The following SHTN1 variants were observed in gnomAD, a reference collection of about 807,000 sequenced individuals.
SHTN1 encodes shootin-1.
A neutral mutation model predicts 83.1 loss-of-function variants in SHTN1; 42 were observed. That is an observed-to-expected ratio of 0.51 (90% confidence interval 0.39 to 0.65). The LOEUF is 0.65. Ranked by LOEUF, SHTN1 falls within the 30% of genes least tolerant of loss-of-function variation. The pLI is 0.00. For synonymous variants in SHTN1, 224 were observed against 247.7 expected (o/e 0.90, Z 0.90); for missense variants, 622 against 737.8 (o/e 0.84, Z 1.82).
At chr10:116,961,278 A>C (rs1363775670) in intron 3 of SHTN1, among the ~76,000 whole-genome samples, 1 of 152,174 alleles carries the variant, frequency 6.6e-6, no homozygotes, top group Non-Finnish European at 1.5e-5. Context: ...TTCTCTCCAA[A>C]TTAAATACAA....
At chr10:117,093,656 C>G (rs1589929660) in intron 1 of SHTN1, among the ~76,000 whole-genome samples, 1 of 152,296 alleles carries the variant, frequency 6.6e-6, no homozygotes, top group East Asian at 1.9e-4. Context: ...TTCACGACAC[C>G]AGGCTCTCTT....
intron 12 of SHTN1, among the ~76,000 whole-genome samples, chr10:116,920,635 C>T (rs979116502): frequency 2.0e-5 from 3 of 152,060 alleles, no homozygotes; most frequent in Middle Eastern, 3.2e-3. Context: ...ATTCTCATCA[C>T]GTTATACCTC....
At chr10:117,009,297 C>A (rs993859994), upstream of SHTN1, among the ~76,000 whole-genome samples, 2 of 151,936 alleles carry the variant, frequency 1.3e-5, no homozygotes, top group African/African-American at 4.8e-5. Context: ...AGCAAAATTG[C>A]AGAAATAAGT....
At chr10:117,083,250 G>A (rs1192075621) in intron 1 of SHTN1, among the ~76,000 whole-genome samples, 1 of 135,614 alleles carries the variant, frequency 7.4e-6, no homozygotes, top group African/African-American at 2.6e-5. Flanking sequence ...AAATCTCTCA[G>A]CATTTGCTTG....
intron 1 of SHTN1, among the ~76,000 whole-genome samples, chr10:117,052,828 G>A (rs1219748558): frequency 1.3e-5 from 2 of 151,108 alleles, no homozygotes; most frequent in South Asian, 2.1e-4. Context: ...GACCATCCTG[G>A]CTAACATGGT....
rs1849329962 is a variant in SHTN1 at position 116,940,506 on chromosome 10, G to A, written c.818C>T (p.Thr273Ile). 1.2e-6 allele frequency: 2 copies of A among 1,614,002 alleles called. No homozygotes were observed. Among genetic ancestry groups the A allele is most frequent in the African/African-American group, 1.3e-5 (1 of 75,022 alleles). The change falls in exon 9 of 17, where the codon ACC becomes ATC. Residue 273 changes from threonine (T) to isoleucine (I), a missense_variant. Thr to Ile is a moderately conservative substitution (Grantham distance 89). This residue lies in a region of SHTN1 where 383 missense variants were observed against 455.8 expected (regional missense o/e 0.84). Transcript: ENST00000355371. Reference sequence around the variant, plus strand: ...AATTCTCTCTTCTTCAAGTTGCTGGGTGAGTTTTGCATTTTCGTCTAAAGC... The same window carrying A: ...AATTCTCTCTTCTTCAAGTTGCTGGATGAGTTTTGCATTTTCGTCTAAAGC... ...LKALDENAKL[T>I]QQLEEERIQH...
rs1850136297 is a variant in SHTN1 at position 116,960,206 on chromosome 10, A to C, written c.197T>G (p.Val66Gly). Reference sequence around the variant, plus strand: ...TTCAAGATGGTTCTGCATGAAATTAACTTCCTCTATGACCATGTGAGAAAC... The same window carrying C: ...TTCAAGATGGTTCTGCATGAAATTACCTTCCTCTATGACCATGTGAGAAAC... ...QKISHMVIEE[V>G]NFMQNHLEIE... Residue 66 changes from valine to glycine, a missense_variant, in exon 4 of 17, where the codon GTT becomes GGT. By Grantham distance (109) the Val-to-Gly change is moderately radical. Coordinates refer to ENST00000355371, the MANE Select transcript of SHTN1 (RefSeq NM_001127211.3). The C allele has an allele frequency of 6.2e-7, 1 of 1,607,870 alleles. No individual in the cohort carries two copies. The highest frequency in any genetic ancestry group is 8.5e-7 in the Non-Finnish European group (1 of 1,174,802).
intron 1 of SHTN1, among the ~76,000 whole-genome samples, chr10:117,094,061 C>T (rs2133622551): frequency 6.6e-6 from 1 of 152,290 alleles, no homozygotes; most frequent in Middle Eastern, 3.4e-3. Context: ...GACTCAGAAG[C>T]ATCACAGACC....
intron 1 of SHTN1, among the ~76,000 whole-genome samples, chr10:117,108,041 C>T (rs1277441093): frequency 3.3e-5 from 5 of 152,096 alleles, no homozygotes; most frequent in African/African-American, 1.2e-4. Flanking sequence ...CAATGTTTGT[C>T]GTTTATGAAA....
intron 4 of SHTN1, among the ~76,000 whole-genome samples, chr10:116,959,562 T>G (rs949877870): frequency 6.6e-6 from 1 of 151,776 alleles, no homozygotes; most frequent in South Asian, 2.1e-4. Flanking sequence ...AAGACAGAGA[T>G]AAAAAAAACA....
rs201954512 is a variant in SHTN1, at chr10:116,906,684, T to C, written c.1423A>G (p.Thr475Ala). The change falls in exon 15 of 17, where the codon ACT becomes GCT. Residue 475 changes from threonine to alanine, a missense_variant. Thr to Ala is a moderately conservative substitution (Grantham distance 58). Transcript: ENST00000355371. ...LKSLDPENSE[T>A]ELERILRRRK... The stretch of plus-strand genomic sequence containing the variant: ...CGACGCAAAATCCTTTCTAACTCAG[T>C]TTCACTGTTTTCAGGGTCAAGGGAT... The C allele has an allele frequency of 1.4e-5, 23 of 1,613,576 alleles. 1 individual carries two copies. Among genetic ancestry groups the C allele is most frequent in the Non-Finnish European group, 1.9e-5 (23 of 1,179,678 alleles).
intron 1 of SHTN1, among the ~76,000 whole-genome samples, chr10:117,092,101 T>A (rs1853438858): frequency 6.6e-6 from 1 of 152,234 alleles, no homozygotes; most frequent in Non-Finnish European, 1.5e-5. Flanking sequence ...CACCAAAGCC[T>A]GTACATGTAA....
At chr10:116,898,332 A>G (rs1220185815) in intron 16 of SHTN1, among the ~76,000 whole-genome samples, 3 of 152,102 alleles carry the variant, frequency 2.0e-5, no homozygotes. Flanking sequence ...TCTAAAAAAA[A>G]AAAAAAATTC....
At chr10:117,021,305 C>G (rs1852261008) in intron 2 of SHTN1, among the ~76,000 whole-genome samples, 2 of 152,098 alleles carry the variant, frequency 1.3e-5, no homozygotes, top group South Asian at 4.1e-4. Context: ...ACTGGGGAGG[C>G]TGAGGCAGGA....
chr10:117,010,405 G>C (rs1359434500), upstream of SHTN1, among the ~76,000 whole-genome samples: 1 of 151,790 alleles, frequency 6.6e-6, no homozygotes, highest in African/African-American at 2.4e-5. Context: ...GAGTAATTCA[G>C]AAAGTATTAA....
intron 15 of SHTN1, among the ~76,000 whole-genome samples, chr10:116,904,382 A>T (rs184652014): frequency 6.6e-6 from 1 of 152,280 alleles, no homozygotes; most frequent in African/African-American, 2.4e-5. Context: ...GTACCACCTA[A>T]AAAATGGTAT....
At chr10:116,896,623 T>C (rs1318148310) in intron 16 of SHTN1, among the ~76,000 whole-genome samples, 4 of 152,180 alleles carry the variant, frequency 2.6e-5, no homozygotes, top group Admixed American at 6.5e-5. Flanking sequence ...ATGTTGAATA[T>C]AGTGGTGATT....
At chr10:117,004,799 G>A (rs1245693093) in intron 1 of SHTN1, among the ~76,000 whole-genome samples, 2 of 152,326 alleles carry the variant, frequency 1.3e-5, no homozygotes, top group African/African-American at 4.8e-5. Context: ...CTCGAGCTGC[G>A]GGGCCTGACT....
intron 2 of SHTN1, among the ~76,000 whole-genome samples, chr10:117,044,610 A>T (rs1194386010): frequency 1.3e-5 from 2 of 152,152 alleles, no homozygotes; most frequent in African/African-American, 4.8e-5. Context: ...TAGGGAGTCT[A>T]TAAGTACCCA....
Sources: allele counts gnomAD v4.1 joint callset (sites outside exome capture counted in the v4.1 genomes callset), GRCh38; gene constraint gnomAD v4.1.1; regional missense constraint gnomAD v4.1.1; transcripts MANE v1.5; gene names NCBI Gene and HGNC (gene_info 2026-07-23, HGNC 2026-07-21).